KBTBD11: variants seen among roughly 807,000 people sequenced by gnomAD.
KBTBD11 encodes the protein kelch repeat and BTB domain containing 11.
For missense variants in KBTBD11, 1,390 were observed against 1,001.8 expected, an observed-to-expected ratio of 1.39 and a Z score of -5.23; for synonymous variants, 747 against 499.0, an observed-to-expected ratio of 1.50 and a Z score of -6.63.
rs1186040396 is a variant in KBTBD11, at chr8:2,001,999, G to T, written c.807G>T (p.Glu269Asp). Residue 269 changes from glutamate (E) to aspartate (D), a missense_variant, in exon 2 of 2, where the codon GAG becomes GAT. By Grantham distance (45) the Glu-to-Asp change is conservative. Coordinates refer to ENST00000320248, the MANE Select transcript of KBTBD11 (RefSeq NM_014867.3). ...MSDHYLEVLR[E>D]PAVFGRLSGA... ...ACCACTATCTGGAGGTGCTGCGCGA[G>T]CCCGCCGTGTTCGGCCGCCTGTCGG... 1 of 1,413,130 alleles carries T rather than the reference G, an allele frequency of 7.1e-7. No homozygotes were observed. The highest frequency in any genetic ancestry group is 1.5e-5 in the African/African-American group (1 of 66,492). The allele number at this position is 1,413,130 out of a possible 1,614,324, so 87.5% of individuals were successfully genotyped here.
chr8:1,974,436 C>T, intron 1 of KBTBD11: 1 of 984,310 alleles, frequency 1.0e-6, no homozygotes, highest in East Asian at 1.1e-4. Flanking sequence ...CGGGGTTGCT[C>T]CGCTTGGCTC....
chr8:2,000,703 G>A lies in KBTBD11; in HGVS notation c.-490G>A, dbSNP rs1393367613. The A allele has an allele frequency of 1.3e-5, 2 of 156,556 alleles. No individual in the cohort carries two copies. Among genetic ancestry groups the A allele is most frequent in the Non-Finnish European group, 2.8e-5 (2 of 71,194 alleles). 9.7% of individuals were successfully genotyped at this position (156,556 alleles called of 1,614,324 possible). A position where few individuals can be genotyped will look rare whatever the true frequency, so the allele number is the denominator to read the frequency against. On this transcript the variant is annotated 5_prime_UTR_variant, in exon 2 of 2. Coordinates refer to ENST00000320248, the MANE Select transcript of KBTBD11 (RefSeq NM_014867.3). ...TGGGTGAGCACGGACTCCTGAGAGCGAGGGCGCACCCAATACCTGGTTATC... is the reference window on the plus strand; with the variant it reads ...TGGGTGAGCACGGACTCCTGAGAGCAAGGGCGCACCCAATACCTGGTTATC...
At chr8:1,987,379 G>A (rs892804591) in intron 1 of KBTBD11, among the ~76,000 whole-genome samples, 11 of 152,074 alleles carry the variant, frequency 7.2e-5, no homozygotes, top group Non-Finnish European at 1.3e-4. Flanking sequence ...TCTAGGAGTC[G>A]CTCAATCAAT....
At position 2,002,920 on chromosome 8, in the gene KBTBD11, C is replaced by G. The variant is rs1031256760; in HGVS notation, c.1728C>G (p.Ala576=). ...CGGGCACCTGGCGCTTCCAGCCTGC[C>G]CGGGAAGGCGAGGCCGGCGGCGACG... ...SRAGTWRFQP[A]REGEAGGDAG... is the part of the protein sequence containing the mutation. The change falls in exon 2 of 2, where the codon GCC becomes GCG. Residue 576 remains alanine (A), a synonymous_variant. Coordinates refer to ENST00000320248, the MANE Select transcript of KBTBD11 (RefSeq NM_014867.3). This position sits in a 1 kb window ranked among gnomAD's most constrained non-coding sequence, Gnocchi z 4.1. 5 of 1,322,358 alleles carry G rather than the reference C, an allele frequency of 3.8e-6. No homozygotes were observed. Among genetic ancestry groups the G allele is most frequent in the Non-Finnish European group, 3.8e-6 (4 of 1,039,534 alleles). 81.9% of individuals were successfully genotyped at this position (1,322,358 alleles called of 1,614,324 possible).
intron 1 of KBTBD11, among the ~76,000 whole-genome samples, chr8:1,978,271 T>C (rs1352970754): frequency 6.6e-6 from 1 of 152,240 alleles, no homozygotes; most frequent in African/African-American, 2.4e-5. Flanking sequence ...CCTGTATTCG[T>C]AGCAATAGCA....
chr8:2,002,628 A>C lies in KBTBD11; in HGVS notation c.1436A>C (p.Glu479Ala). Residue 479 changes from glutamate (E) to alanine (A), a missense_variant, in exon 2 of 2, where the codon GAG becomes GCG. Glu to Ala is a moderately radical substitution (Grantham distance 107, BLOSUM62 -1). Transcript: ENST00000320248. This position sits in a 1 kb window ranked among gnomAD's most constrained non-coding sequence, Gnocchi z 4.1. ...CTCAAGTATGACCCGCGGCGCGACG[A>C]GTGGCAGGAGTGCCCGTGCAGCAGC... Reference protein sequence around the residue: ...RLLKYDPRRDEWQECPCSSSR... With the variant: ...RLLKYDPRRDAWQECPCSSSR... The C allele has an allele frequency of 6.3e-7, 1 of 1,580,868 alleles. No homozygotes were observed.
In KBTBD11 at chr8:1,974,704, C is replaced by T. The variant is rs1249442614; in HGVS notation, c.-909+769C>T. On this transcript the variant is annotated intron_variant, in intron 1 of 1. Transcript: ENST00000320248. ...ACCCCCGGGCGGTCTGGGCGGGATTCCGCAGGGGTCCCTCCTCTCAGGCGG... is the reference window on the plus strand; with the variant it reads ...ACCCCCGGGCGGTCTGGGCGGGATTTCGCAGGGGTCCCTCCTCTCAGGCGG... 4 of 985,340 alleles carry T rather than the reference C, an allele frequency of 4.1e-6. No individual in the cohort carries two copies. In the African/African-American group the frequency reaches 7.0e-5, roughly 17 times the overall value. 61.0% of individuals were successfully genotyped at this position (985,340 alleles called of 1,614,324 possible).
chr8:2,003,217 C>G lies in KBTBD11; in HGVS notation c.*153C>G, dbSNP rs984916441. 8.6e-7 allele frequency: 1 copy of G among 1,160,056 alleles called. No individual in the cohort carries two copies. The highest frequency in any genetic ancestry group is 1.6e-5 in the African/African-American group (1 of 62,590). 71.9% of individuals were successfully genotyped at this position (1,160,056 alleles called of 1,614,324 possible). A position where few individuals can be genotyped will look rare whatever the true frequency, so the allele number is the denominator to read the frequency against. On this transcript the variant is annotated 3_prime_UTR_variant, in exon 2 of 2. Coordinates refer to ENST00000320248, the MANE Select transcript of KBTBD11 (RefSeq NM_014867.3). ...GGAGCCCCGAGGACGCTCTCAGGGC[C>G]GCTTTCGCTTTGCTTTCCTTTTGCT...
Position 2,002,308 on chromosome 8 carries a change from C to G in KBTBD11, c.1116C>G (p.Pro372=). The G allele has an allele frequency of 3.7e-6, 5 of 1,359,322 alleles. No individual in the cohort carries two copies. Among genetic ancestry groups the G allele is most frequent in the East Asian group, 3.2e-5 (1 of 31,212 alleles). The allele number at this position is 1,359,322 out of a possible 1,614,324, so 84.2% of individuals were successfully genotyped here. The change falls in exon 2 of 2, where the codon CCC becomes CCG. Residue 372 remains proline (P), a synonymous_variant. Transcript: ENST00000320248. The surrounding 1 kb of genome is among the most constrained non-coding windows in gnomAD (Gnocchi z 4.1). ...FVAGGVAPAG[P]DGRARPSDQV... is the part of the protein sequence containing the mutation. ...CGGGCGGCGTGGCGCCCGCGGGCCC[C>G]GACGGCCGCGCGCGCCCGTCCGACC... is the stretch of plus-strand genomic sequence containing the variant.
chr8:1,973,705 G>T lies in KBTBD11; in HGVS notation c.-1139G>T. On this transcript the variant is annotated 5_prime_UTR_variant, in exon 1 of 2. Coordinates refer to ENST00000320248, the MANE Select transcript of KBTBD11 (RefSeq NM_014867.3). ...CCCCGCGCGCGCCCCTCGCAGCCTGGAGCCGGAGCGCTGGCTCCGCGCGGC... is the reference window on the plus strand; with the variant it reads ...CCCCGCGCGCGCCCCTCGCAGCCTGTAGCCGGAGCGCTGGCTCCGCGCGGC... 1.0e-6 allele frequency: 1 copy of T among 983,730 alleles called. No homozygotes were observed. The highest frequency in any genetic ancestry group is 1.2e-6 in the Non-Finnish European group (1 of 829,282). The allele number at this position is 983,730 out of a possible 1,614,324, so 60.9% of individuals were successfully genotyped here.
rs1331447327 is a variant in KBTBD11, at chr8:2,001,885, G to A, written c.693G>A (p.Leu231=). 3.6e-6 allele frequency: 5 copies of A among 1,386,962 alleles called. No homozygotes were observed. The African/African-American group carries it at 6.1e-5, about 17-fold the overall frequency. The allele number at this position is 1,386,962 out of a possible 1,614,324, so 85.9% of individuals were successfully genotyped here. Residue 231 remains leucine (L), a synonymous_variant, in exon 2 of 2, where the codon CTG becomes CTA. Transcript: ENST00000320248. ...QRATDAVGPQ[L]SLANCYEVLS... Reference sequence around the variant, plus strand: ...CCACCGACGCCGTGGGGCCGCAGCTGAGCCTGGCCAACTGCTACGAGGTCC... The same window carrying A: ...CCACCGACGCCGTGGGGCCGCAGCTAAGCCTGGCCAACTGCTACGAGGTCC...
At chr8:1,994,780 C>T (rs914937211) in intron 1 of KBTBD11, among the ~76,000 whole-genome samples, 12 of 152,120 alleles carry the variant, frequency 7.9e-5, no homozygotes, top group African/African-American at 2.9e-4. Flanking sequence ...TAAAAGAGGC[C>T]AGGCGTGGTG....
intron 1 of KBTBD11, among the ~76,000 whole-genome samples, chr8:1,988,841 C>T (rs185344317): frequency 6.6e-6 from 1 of 150,446 alleles, no homozygotes; most frequent in Admixed American, 6.6e-5. Flanking sequence ...AGTAAATGAG[C>T]AAATGAATGA....
chr8:1,982,943 G>A (rs934354670), intron 1 of KBTBD11, among the ~76,000 whole-genome samples: 8 of 152,120 alleles, frequency 5.3e-5, no homozygotes, highest in African/African-American at 1.9e-4. Flanking sequence ...CCAGGCTGGT[G>A]TTGAACTGCT....
At chr8:1,992,941 A>G (rs1372203978) in intron 1 of KBTBD11, among the ~76,000 whole-genome samples, 1 of 150,388 alleles carries the variant, frequency 6.6e-6, no homozygotes, top group Non-Finnish European at 1.5e-5. Context: ...TTATTTTGTT[A>G]TTGTTATTAT....
rs57378017 is a variant in KBTBD11, at chr8:1,997,402, G to GAA, written c.-908-2870_-908-2869dup. 8.2e-3 allele frequency among the ~76,000 whole-genome samples: 1,153 copies of GAA among 140,012 alleles called. 8 individuals are homozygous for GAA. The highest frequency in any genetic ancestry group is 0.012 in the Non-Finnish European group (761 of 64,056). 91.9% of individuals were successfully genotyped at this position (140,012 alleles called of 152,430 possible). A position where few individuals can be genotyped will look rare whatever the true frequency, so the allele number is the denominator to read the frequency against. ...AAAATTTCAGTAATGGGTCATTCTG[G>GAA]AAAAAAAAAAAAAAGTCTTAATGTT... On this transcript the variant is annotated intron_variant, in intron 1 of 1. Transcript: ENST00000320248.
In KBTBD11 at chr8:1,991,922, C is replaced by T. The variant is rs551988277; in HGVS notation, c.-908-8363C>T. On this transcript the variant is annotated intron_variant, in intron 1 of 1. Transcript: ENST00000320248. ...TGACCTTCCTGGAGCTTTGCCAATGCGTGAAATGTGTGCTTATTTCATCGC... is the reference window on the plus strand; with the variant it reads ...TGACCTTCCTGGAGCTTTGCCAATGTGTGAAATGTGTGCTTATTTCATCGC... 5.9e-5 allele frequency among the ~76,000 whole-genome samples: 9 copies of T among 152,160 alleles called. No homozygotes were observed. The South Asian group carries it at 1.0e-3, about 18-fold the overall frequency.
rs1175606680 is a variant in KBTBD11 at position 2,005,413 on chromosome 8, T to C, written c.*2349T>C. On this transcript the variant is annotated 3_prime_UTR_variant, in exon 2 of 2. Transcript: ENST00000320248. ...AGAGGACCTGCCACGCCATGAGCAG[T>C]GTTTTTGCTTTTTGGGGGCCAGTCC... 2 of 167,086 alleles carry C rather than the reference T, an allele frequency of 1.2e-5. No individual in the cohort carries two copies. The highest frequency in any genetic ancestry group is 4.8e-5 in the African/African-American group (2 of 41,452). 10.4% of individuals were successfully genotyped at this position (167,086 alleles called of 1,614,324 possible). A position where few individuals can be genotyped will look rare whatever the true frequency, so the allele number is the denominator to read the frequency against.
intron 1 of KBTBD11, among the ~76,000 whole-genome samples, chr8:1,980,742 G>A (rs906209397): frequency 2.6e-5 from 4 of 152,318 alleles, no homozygotes; most frequent in African/African-American, 4.8e-5. Context: ...CAGGGGCAGG[G>A]CAGGGGCAGC....
Sources: gnomAD v4.1 joint callset for allele counts (sites outside exome capture counted in the v4.1 genomes callset) on GRCh38, gnomAD v4.1.1 for gene constraint, Gnocchi (gnomAD v3.1) non-coding constraint, MANE v1.5 for transcripts, NCBI Gene and HGNC (gene_info 2026-07-23, HGNC 2026-07-21) for gene names.